SH2B3: variants seen among roughly 807,000 people sequenced by gnomAD.
The protein encoded by SH2B3 is SH2B adaptor protein 3, also known as SH2B adapter protein 3.
A neutral mutation model predicts 51.9 loss-of-function variants in SH2B3; 43 were observed. The observed-to-expected ratio is 0.83, with a 90% CI of 0.65 to 1.07. The LOEUF (loss-of-function observed/expected upper bound fraction) is 1.07. Ranked by LOEUF, SH2B3 falls within the 50% of genes least tolerant of loss-of-function variation. The pLI is 0.00. For synonymous variants in SH2B3, 396 were observed against 376.0 expected (o/e 1.05, Z -0.62); for missense variants, 952 against 834.3 (o/e 1.14, Z -1.74).
At chr12:111,417,794 C>T (rs1282800934) in intron 1 of SH2B3, among the ~76,000 whole-genome samples, 2 of 152,080 alleles carry the variant, frequency 1.3e-5, no homozygotes, top group Non-Finnish European at 2.9e-5. Flanking sequence ...GTACAACATA[C>T]CATCTATGCT....
chr12:111,436,942 GGT>G (rs1208964152), intron 2 of SH2B3, among the ~76,000 whole-genome samples: 5 of 151,778 alleles, frequency 3.3e-5, no homozygotes, highest in African/African-American at 1.2e-4. Flanking sequence ...AAAGCAGGCT[GGT>G]GTGTGTCCTG....
In SH2B3 at chr12:111,447,324, T is replaced by G; in HGVS notation, c.1022-6T>G. 6.2e-7 allele frequency: 1 copy of G among 1,612,292 alleles called. No individual in the cohort carries two copies. Among genetic ancestry groups the G allele is most frequent in the East Asian group, 2.2e-5 (1 of 44,880 alleles). ...TGCGACCACCATCACCCATCTTATCTAACAGGTGCTTCTCCTGGGGGGCTG... is the reference window on the plus strand; with the variant it reads ...TGCGACCACCATCACCCATCTTATCGAACAGGTGCTTCTCCTGGGGGGCTG... On this transcript the variant is annotated splice_region_variant and splice_polypyrimidine_tract_variant and intron_variant, in intron 5 of 7. Coordinates refer to ENST00000341259, the MANE Select transcript of SH2B3 (RefSeq NM_005475.3).
chr12:111,421,882 A>C (rs1272473985), intron 2 of SH2B3, among the ~76,000 whole-genome samples: 1 of 152,264 alleles, frequency 6.6e-6, no homozygotes, highest in African/African-American at 2.4e-5. Flanking sequence ...ATGGACACAC[A>C]TCCTTTCATT....
Position 111,406,619 on chromosome 12 carries a change from G to T in SH2B3, c.-28+342G>T, listed in dbSNP as rs1274435939. On this transcript the variant is annotated intron_variant, in intron 1 of 7. Coordinates refer to ENST00000341259, the MANE Select transcript of SH2B3 (RefSeq NM_005475.3). This position sits in a 1 kb window ranked among gnomAD's most constrained non-coding sequence, Gnocchi z 5.7. ...CCCCTCAACTTGTGCCTGGGGAGGA[G>T]CGGTCAGGGGTCACCCATTGCTACC... Among the ~76,000 whole-genome samples the T allele has an allele frequency of 6.6e-6, 1 of 152,220 alleles. No homozygotes were observed. Among genetic ancestry groups the T allele is most frequent in the Non-Finnish European group, 1.5e-5 (1 of 68,040 alleles).
rs753463437 is a variant in SH2B3 at position 111,447,016 on chromosome 12, G to A, written c.909G>A (p.Ser303=). ...TGAATTCATGGATGGCTGAGCTCTCGGAGTGCACAGGCCGAGGGTGAGGTC... is the reference window on the plus strand; with the variant it reads ...TGAATTCATGGATGGCTGAGCTCTCAGAGTGCACAGGCCGAGGGTGAGGTC... ...QQLNSWMAEL[S]ECTGRGLEST... Residue 303 remains serine, a synonymous_variant, in exon 4 of 8, where the codon TCG becomes TCA. Transcript: ENST00000341259. 5.6e-6 allele frequency: 9 copies of A among 1,613,808 alleles called. No individual in the cohort carries two copies. Among genetic ancestry groups the A allele is most frequent in the South Asian group, 2.2e-5 (2 of 91,074 alleles).
At position 111,446,378 on chromosome 12, in the gene SH2B3, C is replaced by G. The variant is rs532251870; in HGVS notation, c.733-375C>G. Among the ~76,000 whole-genome samples, 175 of 152,320 alleles carry G rather than the reference C, an allele frequency of 1.1e-3. 1 individual carries two copies. Among genetic ancestry groups the G allele is most frequent in the Admixed American group, 2.1e-3 (32 of 15,302 alleles). ...TTAGGCTAGCCATGCTAGGCTCTGCCCCTTTGGGCTTGGTGTGATGAGACC... is the reference window on the plus strand; with the variant it reads ...TTAGGCTAGCCATGCTAGGCTCTGCGCCTTTGGGCTTGGTGTGATGAGACC... On this transcript the variant is annotated intron_variant, in intron 2 of 7. Coordinates refer to ENST00000341259, the MANE Select transcript of SH2B3 (RefSeq NM_005475.3).
chr12:111,436,332 TC>T (rs984876521), intron 2 of SH2B3, among the ~76,000 whole-genome samples: 2 of 152,154 alleles, frequency 1.3e-5, no homozygotes, highest in African/African-American at 2.4e-5. Context: ...GGCCTGGACT[TC>T]CTGTCCATGT....
At chr12:111,417,603 C>G (rs1362177154) in intron 1 of SH2B3, among the ~76,000 whole-genome samples, 1 of 151,946 alleles carries the variant, frequency 6.6e-6, no homozygotes, top group Non-Finnish European at 1.5e-5. Flanking sequence ...GGTGCACGTG[C>G]TGCAATGCCA....
intron 2 of SH2B3, among the ~76,000 whole-genome samples, chr12:111,439,179 C>T (rs565530387): frequency 2.0e-4 from 31 of 152,150 alleles, no homozygotes; most frequent in African/African-American, 7.5e-4. Context: ...GATGGAGTTT[C>T]GCTTTTGTTG....
intron 3 of SH2B3, 42 bp from the exon 4 acceptor site, chr12:111,446,900 C>T (rs1025526354): frequency 6.2e-7 from 1 of 1,602,132 alleles, no homozygotes; most frequent in African/African-American, 1.3e-5. Flanking sequence ...CAAATACATA[C>T]ACATACAGCA....
rs1870219209 is a variant in SH2B3, at chr12:111,406,072, C to G, written c.-233C>G. 2 of 151,754 alleles carry G rather than the reference C, an allele frequency of 1.3e-5. No homozygotes were observed. The highest frequency in any genetic ancestry group is 1.3e-4 in the Admixed American group (2 of 15,236). 9.4% of individuals were successfully genotyped at this position (151,754 alleles called of 1,614,324 possible). On this transcript the variant is annotated 5_prime_UTR_variant, in exon 1 of 8. Transcript: ENST00000341259. The surrounding 1 kb of genome is among the most constrained non-coding windows in gnomAD (Gnocchi z 5.7). ...GGCGCATCCTCCCGCAACTGTCAAG[C>G]GCTGGCGGCGGAAATGATGAGGCGC...
Position 111,407,924 on chromosome 12 carries a change from CTG to C in SH2B3, c.-28+1651_-28+1652del, listed in dbSNP as rs1216517608. On this transcript the variant is annotated intron_variant, in intron 1 of 7. Coordinates refer to ENST00000341259, the MANE Select transcript of SH2B3 (RefSeq NM_005475.3). This position sits in a 1 kb window ranked among gnomAD's most constrained non-coding sequence, Gnocchi z 4.3. ...AAGTGACTCTGCCCTCAGTTTCCCTCTGTGTAAAATGGGGGAGTAACAGGTTT... is the reference window on the plus strand; with the variant it reads ...AAGTGACTCTGCCCTCAGTTTCCCTCTGTAAAATGGGGGAGTAACAGGTTT... Among the ~76,000 whole-genome samples, 1 of 152,190 alleles carries C rather than the reference CTG, an allele frequency of 6.6e-6. No individual in the cohort carries two copies. Among genetic ancestry groups the C allele is most frequent in the African/African-American group, 2.4e-5 (1 of 41,436 alleles).
chr12:111,441,756 C>T (rs945671756), intron 2 of SH2B3, among the ~76,000 whole-genome samples: 2 of 152,146 alleles, frequency 1.3e-5, no homozygotes, highest in African/African-American at 4.8e-5. Flanking sequence ...TGGAGCTAAG[C>T]AGCAGCATTC....
rs1332931823 is a variant in SH2B3 at position 111,418,763 on chromosome 12, C to G, written c.618C>G (p.Ala206=). 10 of 1,478,864 alleles carry G rather than the reference C, an allele frequency of 6.8e-6. No individual in the cohort carries two copies. The highest frequency in any genetic ancestry group is 5.8e-5 in the East Asian group (2 of 34,516). 91.6% of individuals were successfully genotyped at this position (1,478,864 alleles called of 1,614,324 possible). A position where few individuals can be genotyped will look rare whatever the true frequency, so the allele number is the denominator to read the frequency against. ...AGGCGGTGCTGCGCTACAGCCTGGC[C>G]GACGAGGCCTCCATGGACAGCGGGG... is the stretch of plus-strand genomic sequence containing the variant. ...LKEAVLRYSL[A]DEASMDSGAR... The change falls in exon 2 of 8, where the codon GCC becomes GCG. Residue 206 remains alanine, a synonymous_variant. Coordinates refer to ENST00000341259, the MANE Select transcript of SH2B3 (RefSeq NM_005475.3). This position sits in a 1 kb window ranked among gnomAD's most constrained non-coding sequence, Gnocchi z 6.7.
chr12:111,408,629 A>G (rs919414539), intron 1 of SH2B3, among the ~76,000 whole-genome samples: 29 of 152,076 alleles, frequency 1.9e-4, no homozygotes, highest in African/African-American at 6.8e-4. Context: ...TGGTGAGGGG[A>G]GACCGGGTGC....
Position 111,418,109 on chromosome 12 carries a change from T to G in SH2B3, c.-27-10T>G, listed in dbSNP as rs769079257. On this transcript the variant is annotated splice_polypyrimidine_tract_variant and intron_variant, in intron 1 of 7. Transcript: ENST00000341259. The surrounding 1 kb of genome is among the most constrained non-coding windows in gnomAD (Gnocchi z 6.7). ...ACTCCTTGTCGCCCCCCCACCCACGTGTCTTTCAGCCCGGCCGCACCACCT... is the reference window on the plus strand; with the variant it reads ...ACTCCTTGTCGCCCCCCCACCCACGGGTCTTTCAGCCCGGCCGCACCACCT... The G allele has an allele frequency of 2.0e-6, 3 of 1,473,206 alleles. No homozygotes were observed. In the Admixed American group the frequency reaches 7.3e-5, roughly 36 times the overall value. The allele number at this position is 1,473,206 out of a possible 1,614,324, so 91.3% of individuals were successfully genotyped here.
intron 1 of SH2B3, among the ~76,000 whole-genome samples, chr12:111,414,738 T>A (rs1870954475): frequency 1.3e-5 from 2 of 152,198 alleles, no homozygotes; most frequent in Admixed American, 1.3e-4. Flanking sequence ...TTGTTGCCAC[T>A]GCCCTGCAGA....
chr12:111,441,083 A>T (rs1423751867), intron 2 of SH2B3, among the ~76,000 whole-genome samples: 1 of 152,018 alleles, frequency 6.6e-6, no homozygotes, highest in Non-Finnish European at 1.5e-5. Context: ...ACAGAGAGGG[A>T]CCCTGCCTCA....
Position 111,448,347 on chromosome 12 carries a change from A to C in SH2B3, c.*45A>C. ...CTCAACAGCTGCCCTTGAGGAGCAC[A>C]GGCAGAAGTGTGAACTTGTGAATGT... is the stretch of plus-strand genomic sequence containing the variant. On this transcript the variant is annotated 3_prime_UTR_variant, in exon 8 of 8. Coordinates refer to ENST00000341259, the MANE Select transcript of SH2B3 (RefSeq NM_005475.3). 7.4e-7 allele frequency: 1 copy of C among 1,356,118 alleles called. No homozygotes were observed. The highest frequency in any genetic ancestry group is 2.4e-5 in the East Asian group (1 of 42,344). 84.0% of individuals were successfully genotyped at this position (1,356,118 alleles called of 1,614,324 possible). A position where few individuals can be genotyped will look rare whatever the true frequency, so the allele number is the denominator to read the frequency against.
Sources: gnomAD v4.1 joint callset for allele counts (sites outside exome capture counted in the v4.1 genomes callset) on GRCh38, gnomAD v4.1.1 for gene constraint, Gnocchi (gnomAD v3.1) non-coding constraint, MANE v1.5 for transcripts, NCBI Gene and HGNC (gene_info 2026-07-23, HGNC 2026-07-21) for gene names.